MYO3A: variants seen among roughly 807,000 people sequenced by gnomAD.
The protein encoded by MYO3A is myosin IIIA, also known as myosin-IIIa.
In MYO3A, 180 loss-of-function variants were observed where a neutral mutation model predicts 192.7. That is an observed-to-expected ratio of 0.93 (90% CI 0.83 to 1.06). The LOEUF is 1.06. Among genes scored for constraint, MYO3A ranks in the 50% least tolerant of loss-of-function variants. The pLI is 0.00. For missense variants in MYO3A, 1,896 were observed against 1,905.0 expected, an observed-to-expected ratio of 1.00 and a Z score of 0.09; for synonymous variants, 628 against 645.3, an observed-to-expected ratio of 0.97 and a Z score of 0.41.
intron 2 of MYO3A, 84 bp from the exon 3 acceptor site, chr10:25,952,010 A>G: frequency 9.9e-7 from 1 of 1,012,426 alleles, no homozygotes; most frequent in Non-Finnish European, 1.5e-6. Flanking sequence ...ATCAGTGAAA[A>G]TATTCGCTAA....
intron 17 of MYO3A, among the ~76,000 whole-genome samples, chr10:26,114,926 A>G (rs2131665711): frequency 6.6e-6 from 1 of 152,378 alleles, no homozygotes; most frequent in South Asian, 2.1e-4. Flanking sequence ...TGAACACCCC[A>G]GAATGGGAAA....
chr10:26,147,058 C>T (rs1840506017), intron 22 of MYO3A, among the ~76,000 whole-genome samples: 1 of 152,188 alleles, frequency 6.6e-6, no homozygotes, highest in Admixed American at 6.5e-5. Context: ...GCCAATTCAA[C>T]ACAGGTGGAT....
chr10:26,026,477 C>CA lies in MYO3A; in HGVS notation c.900dup (p.Leu301ThrfsTer20). On this transcript the variant is annotated frameshift_variant, in exon 10 of 35. Coordinates refer to ENST00000642920, the MANE Select transcript of MYO3A (RefSeq NM_017433.5). LOFTEE classifies it high-confidence loss of function. ...GGGCAAAGATGTGATGCTACAAAAACAACTAACGGAATTCATTGGCATCCA... is the reference window on the plus strand; with the variant it reads ...GGGCAAAGATGTGATGCTACAAAAACAAACTAACGGAATTCATTGGCATCCA... 6.2e-7 allele frequency: 1 copy of CA among 1,614,120 alleles called. No individual in the cohort carries two copies. Among genetic ancestry groups the CA allele is most frequent in the Non-Finnish European group, 8.5e-7 (1 of 1,179,994 alleles).
intron 20 of MYO3A, among the ~76,000 whole-genome samples, chr10:26,142,563 A>G (rs1840225168): frequency 1.3e-5 from 2 of 152,192 alleles, no homozygotes; most frequent in African/African-American, 4.8e-5. Context: ...AATATGCCAT[A>G]TGTTTTTACT....
Position 26,166,074 on chromosome 10 carries a change from C to T in MYO3A, c.3007C>T (p.Leu1003Phe), listed in dbSNP as rs776675167. Residue 1003 changes from leucine to phenylalanine, a missense_variant, in exon 27 of 35, where the codon CTT (leucine) becomes TTT (phenylalanine). By Grantham distance (22) the Leu-to-Phe change is conservative. Coordinates refer to ENST00000642920, the MANE Select transcript of MYO3A (RefSeq NM_017433.5). Reference protein sequence around the residue: ...LFANFIKRYYLLCYKSSEEPR... With the variant: ...LFANFIKRYYFLCYKSSEEPR... Reference sequence around the variant, plus strand: ...CCTTTTTTCCATTCCAAGGTACTACCTTCTCTGCTACAAGTCGAGCGAGGA... The same window carrying T: ...CCTTTTTTCCATTCCAAGGTACTACTTTCTCTGCTACAAGTCGAGCGAGGA... 9 of 1,613,918 alleles carry T rather than the reference C, an allele frequency of 5.6e-6. No homozygotes were observed. The East Asian group carries it at 2.0e-4, about 36-fold the overall frequency.
intron 6 of MYO3A, among the ~76,000 whole-genome samples, chr10:26,011,412 C>T (rs766270386): frequency 1.3e-4 from 20 of 151,262 alleles, no homozygotes; most frequent in African/African-American, 2.9e-4. Flanking sequence ...CTAGCCTGGG[C>T]GATGGAAGTG....
At chr10:26,172,939 C>T (rs1228062418) in intron 29 of MYO3A, among the ~76,000 whole-genome samples, 3 of 152,000 alleles carry the variant, frequency 2.0e-5, no homozygotes, top group Admixed American at 6.6e-5. Flanking sequence ...GTGCAAAAGC[C>T]CTCCAAGTAG....
intron 1 of MYO3A, among the ~76,000 whole-genome samples, chr10:25,934,658 G>A (rs931139757): frequency 6.7e-5 from 10 of 150,012 alleles, no homozygotes; most frequent in African/African-American, 2.4e-4. Flanking sequence ...GGGCGGGGGT[G>A]AACTCGAGGG....
intron 2 of MYO3A, among the ~76,000 whole-genome samples, chr10:25,942,622 T>G (rs1836571784): frequency 6.6e-6 from 1 of 152,234 alleles, no homozygotes; most frequent in African/African-American, 2.4e-5. Context: ...GTTTCTTCTT[T>G]CTAAATAATA....
intron 20 of MYO3A, among the ~76,000 whole-genome samples, chr10:26,133,449 T>C (rs1474676545): frequency 2.0e-5 from 3 of 152,234 alleles, no homozygotes; most frequent in Non-Finnish European, 4.4e-5. Flanking sequence ...CCTCTCAGGC[T>C]CTGTGTTCCT....
Position 26,173,999 on chromosome 10 carries a change from AGAG to A in MYO3A, c.3739_3741del (p.Glu1247del). The A allele has an allele frequency of 6.2e-7, 1 of 1,610,938 alleles. No individual in the cohort carries two copies. On this transcript the variant is annotated inframe_deletion, in exon 30 of 35. Transcript: ENST00000642920. Reference sequence around the variant, plus strand: ...TCCAGAGTTACTATCAGAGGTACACAGAGGAGAGGAATTGTGAAGAGTCAAAAG... The same window carrying A: ...TCCAGAGTTACTATCAGAGGTACACAGAGAGGAATTGTGAAGAGTCAAAAG...
chr10:26,005,816 T>C (rs761418947), intron 6 of MYO3A, among the ~76,000 whole-genome samples: 53 of 152,144 alleles, frequency 3.5e-4, no homozygotes, highest in Non-Finnish European at 5.9e-4. Flanking sequence ...TTTTAAAAGC[T>C]GGCAGAGTTT....
At chr10:25,988,365 T>TA (rs146338907) in intron 4 of MYO3A, among the ~76,000 whole-genome samples, 119 of 151,740 alleles carry the variant, frequency 7.8e-4, no homozygotes, top group African/African-American at 2.5e-3. Context: ...TATTGAAATT[T>TA]AAAAAAAATT....
chr10:25,961,607 A>G (rs927603432), intron 4 of MYO3A, among the ~76,000 whole-genome samples: 5 of 152,170 alleles, frequency 3.3e-5, no homozygotes, highest in African/African-American at 1.2e-4. Context: ...TATTTCCAAA[A>G]TCTGATCTAC....
intron 20 of MYO3A, among the ~76,000 whole-genome samples, chr10:26,137,760 C>T (rs941701644): frequency 5.9e-5 from 9 of 152,130 alleles, no homozygotes; most frequent in East Asian, 1.9e-4. Context: ...GGTCTATAAT[C>T]GGCTGCTCTG....
At chr10:26,077,210 C>T in intron 14 of MYO3A, among the ~76,000 whole-genome samples, 1 of 104,718 alleles carries the variant, frequency 9.5e-6, no homozygotes, top group African/African-American at 3.4e-5. Flanking sequence ...TCTTTTAGCT[C>T]CTTGGTTAGG....
chr10:26,024,139 C>A (rs758792370), intron 9 of MYO3A, 52 bp downstream of exon 9: 1 of 1,473,248 alleles, frequency 6.8e-7, no homozygotes, highest in Non-Finnish European at 9.5e-7. Flanking sequence ...CCTGCTATAA[C>A]TAAATCTCCT....
chr10:26,068,851 C>A lies in MYO3A; in HGVS notation c.1137C>A (p.Asn379Lys). The A allele has an allele frequency of 1.3e-6, 2 of 1,596,678 alleles. No homozygotes were observed. Among genetic ancestry groups the A allele is most frequent in the Non-Finnish European group, 1.7e-6 (2 of 1,164,284 alleles). Residue 379 changes from asparagine (N) to lysine (K), a missense_variant, in exon 12 of 35, where the codon AAC becomes AAA. Coordinates refer to ENST00000642920, the MANE Select transcript of MYO3A (RefSeq NM_017433.5). ...VYVGDILIAL[N>K]PFQSLGLYST... The stretch of plus-strand genomic sequence containing the variant: ...TGGGAGACATACTCATTGCTCTTAA[C>A]CCTTTTCAGAGTCTGGGTCTTTACT...
At chr10:25,989,661 T>C (rs192878112) in intron 4 of MYO3A, among the ~76,000 whole-genome samples, 1 of 149,808 alleles carries the variant, frequency 6.7e-6, no homozygotes, top group Admixed American at 6.6e-5. Context: ...AGTATGCAAT[T>C]CATCTTAACT....
Sources: gnomAD v4.1 joint callset for allele counts (sites outside exome capture counted in the v4.1 genomes callset) on GRCh38, gnomAD v4.1.1 for gene constraint, MANE v1.5 for transcripts, NCBI Gene and HGNC (gene_info 2026-07-23, HGNC 2026-07-21) for gene names.